SNTG1: variants seen among roughly 807,000 people sequenced by gnomAD.
The protein encoded by SNTG1 is gamma-1-syntrophin.
A neutral mutation model predicts 74.7 loss-of-function variants in SNTG1; 39 were observed. The observed-to-expected ratio is 0.52, with a 90% CI of 0.40 to 0.68. The LOEUF (loss-of-function observed/expected upper bound fraction) is 0.68, where lower values mean the gene tolerates loss of function less well. SNTG1 is among the 30% of genes least tolerant of loss of function. SNTG1 has a pLI of 0.00. For synonymous variants in SNTG1, 254 were observed against 217.1 expected (o/e 1.17, Z -1.49); for missense variants, 685 against 609.5 (o/e 1.12, Z -1.30).
At chr8:50,090,807 A>G (rs1183662356) in intron 1 of SNTG1, among the ~76,000 whole-genome samples, 1 of 152,162 alleles carries the variant, frequency 6.6e-6, no homozygotes, top group East Asian at 1.9e-4. Flanking sequence ...AGAACCTGAG[A>G]CACAAAGAAA....
At chr8:49,950,477 G>A (rs527465609) in intron 1 of SNTG1, among the ~76,000 whole-genome samples, 1 of 152,034 alleles carries the variant, frequency 6.6e-6, no homozygotes, top group Admixed American at 6.5e-5. Flanking sequence ...GAAATCCAGG[G>A]GAGATTTTTT....
chr8:50,735,090 T>C (rs2095524837), intron 17 of SNTG1, among the ~76,000 whole-genome samples: 1 of 151,240 alleles, frequency 6.6e-6, no homozygotes, highest in Admixed American at 6.6e-5. Context: ...ATTACTACTA[T>C]CTGTTCATCA....
chr8:50,031,678 AC>A (rs1490267045), intron 1 of SNTG1, among the ~76,000 whole-genome samples: 1 of 152,084 alleles, frequency 6.6e-6, no homozygotes, highest in Non-Finnish European at 1.5e-5. Flanking sequence ...AGAATAAACT[AC>A]CCTTGGATGT....
intron 1 of SNTG1, among the ~76,000 whole-genome samples, chr8:50,150,121 T>G (rs551221371): frequency 1.4e-4 from 21 of 152,296 alleles, no homozygotes; most frequent in African/African-American, 5.1e-4. Flanking sequence ...CCCTTGTAAG[T>G]TGGATTCCTA....
chr8:50,795,764 A>G lies in SNTG1; in HGVS notation c.*2935A>G, dbSNP rs1802783132. On this transcript the variant is annotated 3_prime_UTR_variant, in exon 19 of 19. Coordinates refer to ENST00000642720, the MANE Select transcript of SNTG1 (RefSeq NM_018967.5). ...TAACAATTCATCTAAGTCGAAGTAT[A>G]TTACAGAAAGGGCATTTATAATTTG... 6.6e-6 allele frequency: 1 copy of G among 152,124 alleles called. No homozygotes were observed. Among genetic ancestry groups the G allele is most frequent in the Non-Finnish European group, 1.5e-5 (1 of 68,004 alleles). 9.4% of individuals were successfully genotyped at this position (152,124 alleles called of 1,614,324 possible).
chr8:50,220,855 A>G (rs1325424508), intron 2 of SNTG1, among the ~76,000 whole-genome samples: 2 of 152,172 alleles, frequency 1.3e-5, no homozygotes. Context: ...CCTCTTGTCT[A>G]AAATATTTGT....
intron 18 of SNTG1, among the ~76,000 whole-genome samples, chr8:50,782,017 A>G (rs1328339955): frequency 6.6e-6 from 1 of 152,186 alleles, no homozygotes; most frequent in Non-Finnish European, 1.5e-5. Context: ...TTCTTTAAGA[A>G]TGTTGAATAT....
At chr8:49,962,231 A>G (rs1810751515) in intron 1 of SNTG1, among the ~76,000 whole-genome samples, 1 of 152,038 alleles carries the variant, frequency 6.6e-6, no homozygotes, top group South Asian at 2.1e-4. Flanking sequence ...ATGTGAGGTC[A>G]GCAAGGATGA....
At chr8:50,434,224 CT>C (rs1215345865) in intron 4 of SNTG1, among the ~76,000 whole-genome samples, 4 of 152,036 alleles carry the variant, frequency 2.6e-5, no homozygotes, top group Admixed American at 6.6e-5. Context: ...TGAACTCATC[CT>C]TTTTTATGGC....
At chr8:50,140,725 A>G (rs2081627869) in intron 1 of SNTG1, among the ~76,000 whole-genome samples, 2 of 152,276 alleles carry the variant, frequency 1.3e-5, no homozygotes, top group South Asian at 4.1e-4. Context: ...TTAAATGCTT[A>G]AAGCATTAAG....
chr8:50,339,901 A>T (rs2091268907), intron 2 of SNTG1, among the ~76,000 whole-genome samples: 1 of 151,826 alleles, frequency 6.6e-6, no homozygotes, highest in Non-Finnish European at 1.5e-5. Flanking sequence ...AAAATAAACA[A>T]GAGTAAACTA....
chr8:50,642,320 T>C (rs1387848703), intron 13 of SNTG1, among the ~76,000 whole-genome samples: 1 of 152,164 alleles, frequency 6.6e-6, no homozygotes. Context: ...CAGGCCTTCT[T>C]GCTTCTTTTC....
intron 17 of SNTG1, among the ~76,000 whole-genome samples, chr8:50,710,000 T>G (rs929153878): frequency 1.3e-5 from 2 of 151,646 alleles, no homozygotes; most frequent in Non-Finnish European, 2.9e-5. Flanking sequence ...AAAGATGGAG[T>G]GTAGGAGGCA....
At chr8:50,187,722 T>C (rs1671816409) in intron 2 of SNTG1, among the ~76,000 whole-genome samples, 1 of 152,172 alleles carries the variant, frequency 6.6e-6, no homozygotes, top group African/African-American at 2.4e-5. Flanking sequence ...CTACGTACAA[T>C]GCCATGATAT....
intron 8 of SNTG1, among the ~76,000 whole-genome samples, chr8:50,500,402 A>G (rs1031998681): frequency 1.5e-4 from 23 of 152,082 alleles, no homozygotes; most frequent in African/African-American, 5.6e-4. Context: ...TGGATATTAT[A>G]ACATAACTTT....
At chr8:50,122,866 TAGAG>T (rs1404624384) in intron 1 of SNTG1, among the ~76,000 whole-genome samples, 2 of 142,112 alleles carry the variant, frequency 1.4e-5, no homozygotes, top group Non-Finnish European at 3.1e-5. Context: ...ACCAAACCAA[TAGAG>T]AGAAAAACCT....
chr8:50,493,104 C>T lies in SNTG1; in HGVS notation c.364-9674C>T, dbSNP rs539744179. Among the ~76,000 whole-genome samples the T allele has an allele frequency of 1.8e-4, 28 of 152,264 alleles. No individual in the cohort carries two copies. The East Asian group carries it at 5.4e-3, about 29-fold the overall frequency. Reference sequence around the variant, plus strand: ...TAATAAATGGTGTTGGGAAAATTGGCTAGCCATATGCAGAAAACAGAACTC... The same window carrying T: ...TAATAAATGGTGTTGGGAAAATTGGTTAGCCATATGCAGAAAACAGAACTC... On this transcript the variant is annotated intron_variant, in intron 8 of 18. Coordinates refer to ENST00000642720, the MANE Select transcript of SNTG1 (RefSeq NM_018967.5).
intron 1 of SNTG1, among the ~76,000 whole-genome samples, chr8:49,931,216 G>A (rs1371067995): frequency 1.3e-5 from 2 of 152,196 alleles, no homozygotes; most frequent in Non-Finnish European, 2.9e-5. Context: ...CATATTGCAG[G>A]TGGCAGAGTA....
chr8:50,019,548 G>T (rs1320944652), intron 1 of SNTG1, among the ~76,000 whole-genome samples: 1 of 151,982 alleles, frequency 6.6e-6, no homozygotes, highest in African/African-American at 2.4e-5. Context: ...AACTATTAAT[G>T]CATCTGTTCA....
Sources: gnomAD v4.1 joint callset for allele counts (sites outside exome capture counted in the v4.1 genomes callset) on GRCh38, gnomAD v4.1.1 for gene constraint, MANE v1.5 for transcripts, NCBI Gene and HGNC (gene_info 2026-07-23, HGNC 2026-07-21) for gene names.